DLC1: variants seen among roughly 807,000 people sequenced by gnomAD.
The protein encoded by DLC1 is rho GTPase-activating protein 7.
A neutral mutation model predicts 140.3 loss-of-function variants in DLC1; 54 were observed. That is an observed-to-expected ratio of 0.38 (90% confidence interval 0.31 to 0.48). The LOEUF (loss-of-function observed/expected upper bound fraction) is 0.48, where lower values mean the gene tolerates loss of function less well. DLC1 is among the 20% of genes least tolerant of loss of function. DLC1 has a pLI of 0.96. For synonymous variants in DLC1, 986 were observed against 728.1 expected, an observed-to-expected ratio of 1.35 and a Z score of -5.70; for missense variants, 2,536 against 1,907.0, an observed-to-expected ratio of 1.33 and a Z score of -6.14.
chr8:13,279,297 C>T (rs1831280380), intron 5 of DLC1, among the ~76,000 whole-genome samples: 2 of 152,254 alleles, frequency 1.3e-5, no homozygotes, highest in African/African-American at 4.8e-5. Context: ...ATAAAACAAC[C>T]CTCCTCCTCT....
intron 1 of DLC1, among the ~76,000 whole-genome samples, chr8:13,590,021 G>A (rs931273140): frequency 2.9e-4 from 44 of 150,038 alleles, no homozygotes; most frequent in Non-Finnish European, 1.0e-4. Flanking sequence ...ATTTTAAAAT[G>A]TTATGGAAAA....
At chr8:13,219,784 T>A (rs1828452855) in intron 5 of DLC1, among the ~76,000 whole-genome samples, 1 of 152,168 alleles carries the variant, frequency 6.6e-6, no homozygotes, top group African/African-American at 2.4e-5. Flanking sequence ...TGAATCGTTA[T>A]TAATGGGTGG....
intron 1 of DLC1, among the ~76,000 whole-genome samples, chr8:13,508,097 A>G (rs1333900815): frequency 1.3e-5 from 2 of 152,192 alleles, no homozygotes; most frequent in African/African-American, 4.8e-5. Context: ...ACTGCAAGCT[A>G]TTATTTCAGC....
intron 5 of DLC1, among the ~76,000 whole-genome samples, chr8:13,124,353 G>C (rs953400686): frequency 4.6e-5 from 7 of 152,188 alleles, no homozygotes; most frequent in Non-Finnish European, 7.3e-5. Context: ...CGGTGTAAAG[G>C]ACCCTGAATG....
intron 1 of DLC1, chr8:13,558,981 G>A (rs1804149832): frequency 6.6e-6 from 1 of 151,924 alleles, no homozygotes; most frequent in Non-Finnish European, 1.5e-5. Flanking sequence ...AAACATAGCA[G>A]AAGCTGGTTT....
At chr8:13,239,490 G>A (rs76765776) in intron 5 of DLC1, among the ~76,000 whole-genome samples, 1 of 152,166 alleles carries the variant, frequency 6.6e-6, no homozygotes, top group African/African-American at 2.4e-5. Flanking sequence ...GCACATAATT[G>A]CCAAGTGAGT....
At chr8:13,295,136 A>AG (rs1295944234) in intron 5 of DLC1, among the ~76,000 whole-genome samples, 1 of 152,188 alleles carries the variant, frequency 6.6e-6, no homozygotes, top group African/African-American at 2.4e-5. Flanking sequence ...TTAAAGAGAA[A>AG]GGGGGAATTT....
At chr8:13,343,621 G>C (rs910377440) in intron 4 of DLC1, among the ~76,000 whole-genome samples, 1 of 152,120 alleles carries the variant, frequency 6.6e-6, no homozygotes, top group Non-Finnish European at 1.5e-5. Context: ...GAAAAAGAGG[G>C]TCTAGGATAT....
At chr8:13,286,818 GA>G (rs552144470) in intron 5 of DLC1, among the ~76,000 whole-genome samples, 26 of 151,630 alleles carry the variant, frequency 1.7e-4, no homozygotes, top group East Asian at 7.8e-4. Context: ...GGAGAAGAAG[GA>G]AAAAAAGAAA....
At chr8:13,431,355 T>C (rs930586672) in intron 2 of DLC1, among the ~76,000 whole-genome samples, 1 of 150,994 alleles carries the variant, frequency 6.6e-6, no homozygotes, top group Non-Finnish European at 1.5e-5. Flanking sequence ...AGGTGACGGG[T>C]GCCTGTAGTC....
chr8:13,424,666 G>A (rs758356830), intron 2 of DLC1, among the ~76,000 whole-genome samples: 2 of 151,770 alleles, frequency 1.3e-5, no homozygotes, highest in Non-Finnish European at 2.9e-5. Context: ...TTCACCTCCC[G>A]GGTTCATGCC....
At chr8:13,471,917 C>G (rs1800226994) in intron 2 of DLC1, among the ~76,000 whole-genome samples, 1 of 152,194 alleles carries the variant, frequency 6.6e-6, no homozygotes, top group East Asian at 1.9e-4. Context: ...CGAGGAGCAG[C>G]CATGGAGCTC....
intron 1 of DLC1, among the ~76,000 whole-genome samples, chr8:13,510,407 C>T (rs578063449): frequency 2.0e-5 from 3 of 152,142 alleles, no homozygotes; most frequent in African/African-American, 4.8e-5. Context: ...GAATTCTTGA[C>T]CTCAGGTGAT....
At chr8:13,551,867 T>C (rs1400424634) in intron 1 of DLC1, among the ~76,000 whole-genome samples, 1 of 91,312 alleles carries the variant, frequency 1.1e-5, no homozygotes, top group African/African-American at 3.9e-5. Context: ...CAAGTGTGTG[T>C]ATATATATAT....
At chr8:13,160,356 T>C (rs1824596250) in intron 5 of DLC1, 1 of 152,236 alleles carries the variant, frequency 6.6e-6, no homozygotes, top group Admixed American at 6.5e-5. Context: ...ATTTGAGTCA[T>C]AAAGAATGAC....
upstream of DLC1, among the ~76,000 whole-genome samples, chr8:13,518,690 ATTTTTGT>A (rs1418733609): frequency 2.6e-5 from 4 of 152,190 alleles, no homozygotes; most frequent in Non-Finnish European, 5.9e-5. Context: ...TATGTTTTCC[ATTTTTGT>A]TAATGAATAT....
chr8:13,210,583 C>A (rs1018282812), intron 5 of DLC1, among the ~76,000 whole-genome samples: 1 of 152,160 alleles, frequency 6.6e-6, no homozygotes, highest in East Asian at 1.9e-4. Context: ...ATTGAAAATT[C>A]ATTTACTACA....
chr8:13,113,572 G>C (rs890782539), intron 6 of DLC1, among the ~76,000 whole-genome samples: 13 of 152,192 alleles, frequency 8.5e-5, no homozygotes, highest in African/African-American at 3.1e-4. Context: ...CCAAAAACGA[G>C]CATAATTGAA....
At chr8:13,145,201 T>G (rs1021078886) in intron 5 of DLC1, among the ~76,000 whole-genome samples, 1 of 152,054 alleles carries the variant, frequency 6.6e-6, no homozygotes, top group African/African-American at 2.4e-5. Context: ...ATGAAACATA[T>G]AAGCTTAATT....
Sources: allele counts gnomAD v4.1 joint callset (sites outside exome capture counted in the v4.1 genomes callset), GRCh38; gene constraint gnomAD v4.1.1; transcripts MANE v1.5; gene names NCBI Gene and HGNC (gene_info 2026-07-23, HGNC 2026-07-21).